Variants in AKAP19 observed in about 807,000 individuals in gnomAD.
AKAP19 encodes A-kinase anchoring protein 19, also known as small A-kinase anchoring protein.
the AKAP19 span, among the ~76,000 whole-genome samples, chr2:189,921,598 G>T: frequency 6.6e-6 from 1 of 152,184 alleles, no homozygotes; most frequent in African/African-American, 2.4e-5. Context: ...ATTATGGATA[G>T]ATTCCATTCA....
the AKAP19 span, among the ~76,000 whole-genome samples, chr2:189,987,235 G>A: frequency 5.3e-5 from 8 of 152,120 alleles, no homozygotes; most frequent in African/African-American, 1.9e-4. Flanking sequence ...TTTATGAGGG[G>A]GTTTCTGCTT....
the AKAP19 span, among the ~76,000 whole-genome samples, chr2:189,943,572 A>G: frequency 5.9e-5 from 9 of 152,212 alleles, no homozygotes; most frequent in Admixed American, 3.9e-4. Flanking sequence ...GACACTGCCC[A>G]GTGATGCTGT....
the AKAP19 span, among the ~76,000 whole-genome samples, chr2:190,168,032 G>A: frequency 6.6e-6 from 1 of 152,224 alleles, no homozygotes; most frequent in Non-Finnish European, 1.5e-5. Context: ...TTCTCTAGCA[G>A]AGGTTCTCCA....
At chr2:189,999,509 GTTCT>G in the AKAP19 span, among the ~76,000 whole-genome samples, 9 of 152,186 alleles carry the variant, frequency 5.9e-5, no homozygotes, top group African/African-American at 1.4e-4. Flanking sequence ...CACTTATAGT[GTTCT>G]TTATTTCTTT....
the AKAP19 span, among the ~76,000 whole-genome samples, chr2:190,004,525 C>T: frequency 1.8e-4 from 27 of 152,096 alleles, no homozygotes; most frequent in East Asian, 5.0e-3. Flanking sequence ...GTTGTCCTTC[C>T]TCTTGAACAC....
the AKAP19 span, among the ~76,000 whole-genome samples, chr2:189,952,316 A>G: frequency 2.0e-5 from 3 of 152,166 alleles, no homozygotes; most frequent in South Asian, 4.1e-4. Context: ...CCTCCCCTAT[A>G]CAAGAAAGGG....
chr2:189,938,769 C>T, the AKAP19 span, among the ~76,000 whole-genome samples: 1 of 152,138 alleles, frequency 6.6e-6, no homozygotes, highest in Admixed American at 6.5e-5. Context: ...GATACCCCAT[C>T]TTCCATGATG....
At chr2:189,996,461 T>C in the AKAP19 span, among the ~76,000 whole-genome samples, 1 of 152,284 alleles carries the variant, frequency 6.6e-6, no homozygotes, top group East Asian at 1.9e-4. Flanking sequence ...TTCTTCATGG[T>C]ATCTATTTCT....
the AKAP19 span, among the ~76,000 whole-genome samples, chr2:190,184,333 C>G: frequency 6.6e-6 from 1 of 152,218 alleles, no homozygotes; most frequent in East Asian, 1.9e-4. Context: ...GGCCCAAACA[C>G]TACTGCAAGT....
chr2:189,980,053 C>T, the AKAP19 span, among the ~76,000 whole-genome samples: 3 of 152,166 alleles, frequency 2.0e-5, no homozygotes, highest in African/African-American at 4.8e-5. Flanking sequence ...CCAGCAATCT[C>T]ACTAGGGGGC....
chr2:189,886,974 G>C, the AKAP19 span, among the ~76,000 whole-genome samples: 4 of 151,980 alleles, frequency 2.6e-5, no homozygotes, highest in African/African-American at 9.7e-5. Flanking sequence ...AATAAGACTT[G>C]TTCTTGCTTT....
the AKAP19 span, among the ~76,000 whole-genome samples, chr2:190,186,465 G>A: frequency 6.6e-6 from 1 of 152,190 alleles, no homozygotes; most frequent in African/African-American, 2.4e-5. This position sits in a 1 kb window ranked among gnomAD's most constrained non-coding sequence, Gnocchi z 5.5. Context: ...TACAGTGTGT[G>A]TGCTCTAAGT....
the AKAP19 span, among the ~76,000 whole-genome samples, chr2:189,924,651 G>A: frequency 1.2e-4 from 18 of 152,160 alleles, no homozygotes; most frequent in African/African-American, 4.3e-4. Flanking sequence ...TTAGAAGTAT[G>A]TGTGTTACAC....
chr2:190,175,918 T>G, the AKAP19 span, among the ~76,000 whole-genome samples: 1 of 152,210 alleles, frequency 6.6e-6, no homozygotes, highest in African/African-American at 2.4e-5. Context: ...CCCTTGTCAA[T>G]GGGATTAAAA....
the AKAP19 span, among the ~76,000 whole-genome samples, chr2:189,914,600 C>T: frequency 6.6e-6 from 1 of 151,912 alleles, no homozygotes. Flanking sequence ...TATAATAGCC[C>T]TTTTGCAGTT....
chr2:189,892,249 C>T, the AKAP19 span, among the ~76,000 whole-genome samples: 2 of 152,010 alleles, frequency 1.3e-5, no homozygotes, highest in Non-Finnish European at 2.9e-5. Context: ...TCGTCAAACT[C>T]ATTATCTGTC....
the AKAP19 span, chr2:190,056,967 C>T: frequency 1.6e-4 from 54 of 338,308 alleles, 1 homozygote; most frequent in African/African-American, 1.0e-3. Context: ...CAAGGAGAAT[C>T]GCTTTCATTT....
the AKAP19 span, among the ~76,000 whole-genome samples, chr2:190,138,874 T>TACCC: frequency 6.6e-6 from 1 of 152,218 alleles, no homozygotes; most frequent in African/African-American, 2.4e-5. Flanking sequence ...GAGCATAGGA[T>TACCC]TTGGACGTAG....
the AKAP19 span, among the ~76,000 whole-genome samples, chr2:189,906,531 C>T: frequency 3.9e-4 from 59 of 152,144 alleles, no homozygotes; most frequent in Admixed American, 1.4e-3. Flanking sequence ...AATTTACACT[C>T]AGTTTACACT....
Sources: allele counts gnomAD v4.1 joint callset (sites outside exome capture counted in the v4.1 genomes callset), GRCh38; gene constraint gnomAD v4.1.1; non-coding constraint Gnocchi (gnomAD v3.1); transcripts MANE v1.5; gene names NCBI Gene and HGNC (gene_info 2026-07-23, HGNC 2026-07-21).